Variants in LALBA observed in about 807,000 individuals in gnomAD.
LALBA encodes alpha-lactalbumin.
In LALBA, 12 loss-of-function variants were observed where a neutral mutation model predicts 13.4. The ratio of observed to expected loss-of-function variants is 0.89; its 90% CI spans 0.57 to 1.45. LALBA has a LOEUF of 1.45. Among genes scored for constraint, LALBA ranks in the 40% most tolerant of loss-of-function variants. The pLI, the probability that LALBA is intolerant of heterozygous loss-of-function variation, is 0.00. For missense variants in LALBA, 145 were observed against 165.9 expected (o/e 0.87, Z 0.69); for synonymous variants, 64 against 61.0 (o/e 1.05, Z -0.23).
chr12:48,569,829 A>G, intron 1 of LALBA, 59 bp downstream of exon 1: 2 of 1,563,922 alleles, frequency 1.3e-6, no homozygotes, highest in Non-Finnish European at 1.8e-6. Flanking sequence ...TGGAAGAAAG[A>G]GGGGATGGAG....
At chr12:48,568,135 T>C (rs1938590151) in intron 3 of LALBA, 118 bp from the exon 4 acceptor site, 1 of 791,782 alleles carries the variant, frequency 1.3e-6, no homozygotes, top group African/African-American at 1.7e-5. Context: ...CCTGGCCTGA[T>C]GTCAAGCGAC....
chr12:48,570,739 T>C (rs1322263923), upstream of LALBA, among the ~76,000 whole-genome samples: 1 of 152,064 alleles, frequency 6.6e-6, no homozygotes, highest in Non-Finnish European at 1.5e-5. Context: ...TCCCGGCATT[T>C]TGGGAGGCCG....
At chr12:48,569,730 A>G (rs1021334707) in intron 1 of LALBA, among the ~76,000 whole-genome samples, 158 bp downstream of exon 1, 1 of 152,184 alleles carries the variant, frequency 6.6e-6, no homozygotes, top group East Asian at 1.9e-4. Context: ...AAATAAATAC[A>G]TACATATATA....
chr12:48,568,534 A>C lies in LALBA; in HGVS notation c.351T>G (p.Ile117Met), dbSNP rs1170799264. 6.3e-7 allele frequency: 1 copy of C among 1,586,504 alleles called. No individual in the cohort carries two copies. Among genetic ancestry groups the C allele is most frequent in the South Asian group, 1.1e-5 (1 of 90,220 alleles). The change falls in exon 3 of 4, where the codon ATT (isoleucine) becomes ATG (methionine). Residue 117 changes from isoleucine to methionine, a missense_variant. By Grantham distance (10) the Ile-to-Met change is conservative (BLOSUM62 1). Transcript: ENST00000301046. The part of the protein sequence containing the change: ...DIMCAKKILD[I>M]KGIDYWLAHK... ...GGATTCACCAGTAGTCAATTCCTTT[A>C]ATATCCAGGATCTTCTTGGCACACA... is the stretch of plus-strand genomic sequence containing the variant.
chr12:48,569,542 T>C (rs946990408), intron 1 of LALBA, among the ~76,000 whole-genome samples: 1 of 151,978 alleles, frequency 6.6e-6, no homozygotes, highest in Non-Finnish European at 1.5e-5. Flanking sequence ...GGTGAAACCC[T>C]GTCTCTACAA....
upstream of LALBA, among the ~76,000 whole-genome samples, chr12:48,570,439 C>G (rs1036583753): frequency 6.6e-6 from 1 of 152,054 alleles, no homozygotes; most frequent in Admixed American, 6.6e-5. Flanking sequence ...CCCCCTTCCC[C>G]CCTAGAGACA....
chr12:48,569,185 G>A lies in LALBA; in HGVS notation c.189C>T (p.Asn63=). 1.9e-6 allele frequency: 3 copies of A among 1,613,622 alleles called. 1 individual carries two copies. The highest frequency in any genetic ancestry group is 3.3e-4 in the Middle Eastern group (2 of 6,060). Residue 63 remains asparagine (N), a synonymous_variant, in exon 2 of 4, where the codon AAC becomes AAT. Coordinates refer to ENST00000301046, the MANE Select transcript of LALBA (RefSeq NM_002289.3). The part of the protein sequence containing the change: ...SGYDTQAIVE[N]NESTEYGLFQ... ...AGAGTCCATATTCCGTGCTTTCATT[G>A]TTTTCAACTATGGCTTGTGTGTCAT...
At chr12:48,568,082 G>T in intron 3 of LALBA, 65 bp from the exon 4 acceptor site, 1 of 1,275,168 alleles carries the variant, frequency 7.8e-7, no homozygotes, top group South Asian at 1.3e-5. Flanking sequence ...TTCCCAGGAG[G>T]GCTGAAGTGG....
upstream of LALBA, among the ~76,000 whole-genome samples, chr12:48,570,519 A>T (rs542112056): frequency 4.0e-4 from 61 of 152,312 alleles, no homozygotes; most frequent in South Asian, 0.012. Flanking sequence ...GCACTTGTCC[A>T]ACCAATCCAG....
At position 48,569,066 on chromosome 12, in the gene LALBA, T is replaced by A. The variant is rs1345748065; in HGVS notation, c.292+16A>T. On this transcript the variant is annotated intron_variant, in intron 2 of 3. Coordinates refer to ENST00000301046, the MANE Select transcript of LALBA (RefSeq NM_002289.3). ...CCTCAGAAAAACAGAGAAAGAGGGT[T>A]ATAGGGGCTACTCACTGTCACAGGA... 1 of 1,600,620 alleles carries A rather than the reference T, an allele frequency of 6.2e-7. No individual in the cohort carries two copies. The highest frequency in any genetic ancestry group is 1.3e-5 in the African/African-American group (1 of 74,176).
At chr12:48,570,428 TC>T (rs1432774523), upstream of LALBA, among the ~76,000 whole-genome samples, 4 of 151,794 alleles carry the variant, frequency 2.6e-5, no homozygotes, top group African/African-American at 4.8e-5. Flanking sequence ...ATACCGAGCT[TC>T]CCCCTTCCCC....
chr12:48,567,843 A>G lies in LALBA; in HGVS notation c.*114T>C. 2.2e-6 allele frequency: 2 copies of G among 902,410 alleles called. No individual in the cohort carries two copies. Among genetic ancestry groups the G allele is most frequent in the Non-Finnish European group, 3.5e-6 (2 of 564,454 alleles). The allele number at this position is 902,410 out of a possible 1,614,324, so 55.9% of individuals were successfully genotyped here. ...TTCGGTGATGTCACTACAGGGCCCA[A>G]GGCTCAGAGACAGATAAGCTTTGGG... is the stretch of plus-strand genomic sequence containing the variant. On this transcript the variant is annotated 3_prime_UTR_variant, in exon 4 of 4. Transcript: ENST00000301046.
chr12:48,570,758 G>A (rs1448506297), upstream of LALBA, among the ~76,000 whole-genome samples: 1 of 152,038 alleles, frequency 6.6e-6, no homozygotes, highest in Non-Finnish European at 1.5e-5. Flanking sequence ...CGAGTCTGGT[G>A]GATCACTTGA....
chr12:48,568,439 G>A, intron 3 of LALBA, 78 bp downstream of exon 3: 2 of 826,320 alleles, frequency 2.4e-6, no homozygotes, highest in Non-Finnish European at 4.2e-6. Context: ...CAAGAGATAG[G>A]GTAAGAGGAA....
At chr12:48,568,486 T>A (rs1938593668) in intron 3 of LALBA, 31 bp downstream of exon 3, 2 of 1,263,416 alleles carry the variant, frequency 1.6e-6, no homozygotes. Flanking sequence ...AGAAGGAGGA[T>A]GGGGAAATAG....
chr12:48,571,738 A>G (rs3759149), upstream of LALBA, among the ~76,000 whole-genome samples: 3,397 of 152,182 alleles, frequency 0.022, 48 homozygotes, highest in Middle Eastern at 0.037. Flanking sequence ...TAAGACTTAC[A>G]TACTGAAGGT....
At chr12:48,568,108 A>C in intron 3 of LALBA, 91 bp from the exon 4 acceptor site, 2 of 981,992 alleles carry the variant, frequency 2.0e-6, no homozygotes, top group Admixed American at 4.0e-5. Context: ...CGTGGACGAG[A>C]ATTACAGAAA....
Position 48,567,862 on chromosome 12 carries a change from C to A in LALBA, c.*95G>T, listed in dbSNP as rs1938586492. 1 of 1,064,976 alleles carries A rather than the reference C, an allele frequency of 9.4e-7. No individual in the cohort carries two copies. Among genetic ancestry groups the A allele is most frequent in the Non-Finnish European group, 1.4e-6 (1 of 705,504 alleles). 66.0% of individuals were successfully genotyped at this position (1,064,976 alleles called of 1,614,324 possible). A position where few individuals can be genotyped will look rare whatever the true frequency, so the allele number is the denominator to read the frequency against. ...GGCCCAAGGCTCAGAGACAGATAAG[C>A]TTTGGGGGAACAGAAAGAAACAAAC... On this transcript the variant is annotated 3_prime_UTR_variant, in exon 4 of 4. Transcript: ENST00000301046.
chr12:48,570,761 T>C (rs1442241022), upstream of LALBA, among the ~76,000 whole-genome samples: 4 of 151,964 alleles, frequency 2.6e-5, no homozygotes, highest in South Asian at 8.3e-4. Flanking sequence ...GTCTGGTGGA[T>C]CACTTGAGCC....
Sources: allele counts gnomAD v4.1 joint callset (sites outside exome capture counted in the v4.1 genomes callset), GRCh38; gene constraint gnomAD v4.1.1; transcripts MANE v1.5; gene names NCBI Gene and HGNC (gene_info 2026-07-23, HGNC 2026-07-21).